Variants in SCG3 observed in about 807,000 individuals in gnomAD.
SCG3 encodes the protein secretogranin-3.
SCG3 carries 38 observed loss-of-function variants against 56.2 expected under a neutral mutation model. That is an observed-to-expected ratio of 0.68 (90% confidence interval 0.52 to 0.89). SCG3 has a LOEUF of 0.89. Among genes scored for constraint, SCG3 ranks in the 40% least tolerant of loss-of-function variants. The pLI is 0.00. For synonymous variants in SCG3, 176 were observed against 184.2 expected, an observed-to-expected ratio of 0.96 and a Z score of 0.36; for missense variants, 524 against 540.7, an observed-to-expected ratio of 0.97 and a Z score of 0.31.
At chr15:51,699,459 A>G in intron 9 of SCG3, 57 bp downstream of exon 9, 1 of 1,080,626 alleles carries the variant, frequency 9.3e-7, no homozygotes, top group Non-Finnish European at 1.4e-6. Flanking sequence ...TTGAGTGGTA[A>G]ATAATGAACT....
intron 11 of SCG3, among the ~76,000 whole-genome samples, chr15:51,718,763 GA>G (rs1250031535): frequency 1.3e-5 from 2 of 151,720 alleles, no homozygotes; most frequent in Admixed American, 6.6e-5. Flanking sequence ...GAGGACAGAG[GA>G]ACCAAAAAGA....
chr15:51,701,661 T>C (rs2055340207), intron 10 of SCG3, among the ~76,000 whole-genome samples: 1 of 152,206 alleles, frequency 6.6e-6, no homozygotes, highest in Non-Finnish European at 1.5e-5. Flanking sequence ...CAGTGGCTCA[T>C]GCCTGCAGTC....
rs566226567 is a variant in SCG3 at position 51,709,348 on chromosome 15, G to A, written c.1208-3985G>A. ...GATTATGGGAATGACAATTCAAGAT[G>A]AGACTTGGGTGGGGACACAGCCCAA... On this transcript the variant is annotated intron_variant, in intron 10 of 11. Transcript: ENST00000220478. Among the ~76,000 whole-genome samples the A allele has an allele frequency of 1.3e-4, 20 of 152,170 alleles. No homozygotes were observed. In the South Asian group the frequency reaches 3.5e-3, roughly 27 times the overall value.
chr15:51,702,052 G>A (rs1216649144), intron 10 of SCG3, among the ~76,000 whole-genome samples: 1 of 152,070 alleles, frequency 6.6e-6, no homozygotes, highest in Non-Finnish European at 1.5e-5. Flanking sequence ...CCTGCACATT[G>A]TGCACATGTA....
At chr15:51,685,641 T>A (rs982108711) in intron 4 of SCG3, among the ~76,000 whole-genome samples, 1 of 152,198 alleles carries the variant, frequency 6.6e-6, no homozygotes, top group Admixed American at 6.5e-5. Context: ...CTAAGTTGAA[T>A]AGAACCTCAG....
At chr15:51,704,278 T>TAA (rs57504525) in intron 10 of SCG3, among the ~76,000 whole-genome samples, 15 of 131,364 alleles carry the variant, frequency 1.1e-4, no homozygotes, top group South Asian at 2.3e-4. Flanking sequence ...TATATATATA[T>TAA]AAAATAGCTC....
intron 10 of SCG3, 28 bp from the exon 11 acceptor site, chr15:51,713,305 T>A (rs749574142): frequency 2.8e-6 from 4 of 1,435,434 alleles, no homozygotes; most frequent in East Asian, 4.6e-5. Context: ...TTCCTGAGTG[T>A]TTGATATAGT....
rs201458801 is a variant in SCG3, at chr15:51,697,792, T to C, written c.986-1527T>C. Among the ~76,000 whole-genome samples the C allele has an allele frequency of 4.3e-4, 65 of 152,354 alleles. 1 individual carries two copies. The highest frequency in any genetic ancestry group is 1.5e-3 in the African/African-American group (63 of 41,586). On this transcript the variant is annotated intron_variant, in intron 8 of 11. Coordinates refer to ENST00000220478, the MANE Select transcript of SCG3 (RefSeq NM_013243.4). ...TTATCAAGACTTACATACATATTAA[T>C]GTATATGTACATGTTTATATACATA...
chr15:51,683,197 G>T (rs1170756238), intron 3 of SCG3, 22 bp from the exon 4 acceptor site: 5 of 1,607,956 alleles, frequency 3.1e-6, no homozygotes, highest in Non-Finnish European at 4.3e-6. Flanking sequence ...TGGCTGTGTT[G>T]GGTTTGGGGC....
At chr15:51,694,531 G>A (rs1339367146) in intron 7 of SCG3, among the ~76,000 whole-genome samples, 2 of 151,878 alleles carry the variant, frequency 1.3e-5, no homozygotes, top group African/African-American at 2.4e-5. Context: ...AGGGGGAAAG[G>A]CTAGGAGTAT....
Position 51,686,879 on chromosome 15 carries a change from A to C in SCG3, c.398-1381A>C, listed in dbSNP as rs188936137. On this transcript the variant is annotated intron_variant, in intron 4 of 11. Coordinates refer to ENST00000220478, the MANE Select transcript of SCG3 (RefSeq NM_013243.4). ...CACTCATTTTCCTAAGCTTCTTTCC[A>C]AACAAGAAAGAGATATTCTGCCTGA... 1.9e-4 allele frequency among the ~76,000 whole-genome samples: 29 copies of C among 152,252 alleles called. 1 individual carries two copies. Among genetic ancestry groups the C allele is most frequent in the Admixed American group, 1.8e-3 (28 of 15,286 alleles).
intron 6 of SCG3, among the ~76,000 whole-genome samples, chr15:51,690,463 A>G (rs1051991193): frequency 1.3e-5 from 2 of 151,950 alleles, no homozygotes; most frequent in Non-Finnish European, 2.9e-5. Flanking sequence ...AAATACAAAG[A>G]CTATAGAGGC....
In SCG3 at chr15:51,713,360, T is replaced by C. The variant is rs765211325; in HGVS notation, c.1235T>C (p.Ile412Thr). 3.1e-6 allele frequency: 5 copies of C among 1,605,312 alleles called. No individual in the cohort carries two copies. In the South Asian group the frequency reaches 5.6e-5, roughly 18 times the overall value. Reference sequence around the variant, plus strand: ...AAAACAGAAGCCTATTTGGAAGCCATCAGAAAAAATATTGAATGGTTGAAG... The same window carrying C: ...AAAACAGAAGCCTATTTGGAAGCCACCAGAAAAAATATTGAATGGTTGAAG... ...KGKTEAYLEA[I>T]RKNIEWLKKH... The change falls in exon 11 of 12, where the codon ATC (isoleucine) becomes ACC (threonine). Residue 412 changes from isoleucine (I) to threonine (T), a missense_variant. Physicochemically the swap from Ile to Thr is moderately conservative, Grantham distance 89 (BLOSUM62 -1). Transcript: ENST00000220478.
At chr15:51,719,357 G>C (rs2055480559) in intron 11 of SCG3, 51 bp from the exon 12 acceptor site, 1 of 1,247,318 alleles carries the variant, frequency 8.0e-7, no homozygotes, top group Middle Eastern at 1.9e-4. Flanking sequence ...CACTGTAATG[G>C]GATTGGCCTT....
chr15:51,701,278 A>G (rs1207136413), intron 10 of SCG3, 34 bp downstream of exon 10: 1 of 1,536,242 alleles, frequency 6.5e-7, no homozygotes, highest in Non-Finnish European at 8.7e-7. Flanking sequence ...TAGCAATGAA[A>G]TTGGGAAAGC....
At chr15:51,704,417 G>T (rs1416466406) in intron 10 of SCG3, among the ~76,000 whole-genome samples, 1 of 150,804 alleles carries the variant, frequency 6.6e-6, no homozygotes, top group Non-Finnish European at 1.5e-5. Flanking sequence ...CACCTCCAGA[G>T]CTCTTTTCAT....
intron 4 of SCG3, among the ~76,000 whole-genome samples, chr15:51,685,977 CATA>C (rs2055226328): frequency 6.6e-6 from 1 of 152,196 alleles, no homozygotes; most frequent in Non-Finnish European, 1.5e-5. Flanking sequence ...GTGTCTGACA[CATA>C]ATAAGACTTT....
chr15:51,710,752 A>ATTTT lies in SCG3; in HGVS notation c.1208-2561_1208-2558dup, dbSNP rs60536489. Among the ~76,000 whole-genome samples the ATTTT allele has an allele frequency of 1.9e-3, 204 of 105,234 alleles. 4 individuals carry two copies. The highest frequency in any genetic ancestry group is 6.7e-3 in the African/African-American group (179 of 26,870). The allele number at this position is 105,234 out of a possible 152,430, so 69.0% of individuals were successfully genotyped here. A position where few individuals can be genotyped will look rare whatever the true frequency, so the allele number is the denominator to read the frequency against. ...AGATGCACACCACCATGCCTGGCTAATTTTTTTTTTTTTTTTTTTTTTTGG... is the reference window on the plus strand; with the variant it reads ...AGATGCACACCACCATGCCTGGCTAATTTTTTTTTTTTTTTTTTTTTTTTTTTGG... On this transcript the variant is annotated intron_variant, in intron 10 of 11. Transcript: ENST00000220478.
rs532695248 is a variant in SCG3 at position 51,694,248 on chromosome 15, A to G, written c.869-1627A>G. On this transcript the variant is annotated intron_variant, in intron 7 of 11. Transcript: ENST00000220478. ...AAAGCAGGTAGGAAACCAAAATATC[A>G]TCTCTGTTGCTGATAAACACAGGGC... Among the ~76,000 whole-genome samples the G allele has an allele frequency of 2.6e-5, 4 of 152,044 alleles. No individual in the cohort carries two copies. In the East Asian group the frequency reaches 7.7e-4, roughly 29 times the overall value.
Sources: allele counts gnomAD v4.1 joint callset (sites outside exome capture counted in the v4.1 genomes callset), GRCh38; gene constraint gnomAD v4.1.1; transcripts MANE v1.5; gene names NCBI Gene and HGNC (gene_info 2026-07-23, HGNC 2026-07-21).